ITGA1: variants seen among roughly 807,000 people sequenced by gnomAD.
ITGA1 encodes the protein integrin alpha-1.
Under a neutral mutation model 145.9 loss-of-function variants are expected in ITGA1, and 85 were observed. That is an observed-to-expected ratio of 0.58 (90% CI 0.49 to 0.70). The LOEUF (loss-of-function observed/expected upper bound fraction) is 0.70. Among genes scored for constraint, ITGA1 ranks in the 30% least tolerant of loss-of-function variants. The probability of loss-of-function intolerance (pLI) is 0.00; values close to 1 mark genes in which losing one functional copy is unlikely to be tolerated. For missense variants in ITGA1, 1,351 were observed against 1,418.7 expected, an observed-to-expected ratio of 0.95 and a Z score of 0.77; for synonymous variants, 520 against 495.3, an observed-to-expected ratio of 1.05 and a Z score of -0.66.
chr5:52,861,637 A>G (rs1749606018), intron 3 of ITGA1, 78 bp downstream of exon 3: 1 of 832,562 alleles, frequency 1.2e-6, no homozygotes, highest in African/African-American at 1.7e-5. Flanking sequence ...TTAAGAGGTC[A>G]AGACAGGCAT....
chr5:52,879,076 G>A (rs945731189), intron 6 of ITGA1, among the ~76,000 whole-genome samples: 10 of 151,976 alleles, frequency 6.6e-5, no homozygotes, highest in African/African-American at 2.4e-4. Flanking sequence ...TTTGAAATTG[G>A]GATTGACCTG....
intron 1 of ITGA1, among the ~76,000 whole-genome samples, chr5:52,794,804 T>G (rs563471603): frequency 2.9e-4 from 44 of 152,108 alleles, no homozygotes; most frequent in African/African-American, 1.0e-3. Context: ...GCACATTCTC[T>G]CTAAATAAAC....
chr5:52,844,628 A>G (rs1429044741), intron 1 of ITGA1, among the ~76,000 whole-genome samples: 1 of 152,198 alleles, frequency 6.6e-6, no homozygotes, highest in Non-Finnish European at 1.5e-5. Flanking sequence ...GTTAGTACAC[A>G]ATATAGTTAT....
chr5:52,787,986 T>C lies in ITGA1; in HGVS notation c.-368T>C, dbSNP rs1364378275. ...TCACCCTCTCAATGAAAGGCAGATGTCCCTTTAAGGTTTGCTTCTACAGCC... is the reference window on the plus strand; with the variant it reads ...TCACCCTCTCAATGAAAGGCAGATGCCCCTTTAAGGTTTGCTTCTACAGCC... On this transcript the variant is annotated 5_prime_UTR_variant, in exon 1 of 29. Transcript: ENST00000282588. 4.6e-6 allele frequency: 1 copy of C among 218,114 alleles called. No individual in the cohort carries two copies. Among genetic ancestry groups the C allele is most frequent in the East Asian group, 9.5e-5 (1 of 10,498 alleles). 13.5% of individuals were successfully genotyped at this position (218,114 alleles called of 1,614,324 possible).
chr5:52,887,362 A>T (rs1156426300), intron 7 of ITGA1, among the ~76,000 whole-genome samples: 1 of 152,136 alleles, frequency 6.6e-6, no homozygotes, highest in Non-Finnish European at 1.5e-5. Context: ...GAGCCATTCT[A>T]CAAATGTCAG....
At chr5:52,835,373 A>G (rs890490159) in intron 1 of ITGA1, among the ~76,000 whole-genome samples, 4 of 152,178 alleles carry the variant, frequency 2.6e-5, no homozygotes, top group African/African-American at 9.7e-5. Context: ...AAGTTCTGCA[A>G]AAACAGAGGA....
rs1241855436 is a variant in ITGA1 at position 52,920,381 on chromosome 5, T to G, written c.2205T>G (p.Ser735Arg). Residue 735 changes from serine (S) to arginine (R), a missense_variant, in exon 17 of 29, where the codon AGT (serine) becomes AGG (arginine). Coordinates refer to ENST00000282588, the MANE Select transcript of ITGA1 (RefSeq NM_181501.2). ...TLDSLRQISR[S>R]FFSGTQERKV... ...ATTCACTAAGACAAATATCACGAAG[T>G]TTTTTCTCTGGAACTCAAGAGAGAA... 2 of 1,612,036 alleles carry G rather than the reference T, an allele frequency of 1.2e-6. No homozygotes were observed. The highest frequency in any genetic ancestry group is 1.3e-5 in the African/African-American group (1 of 74,846).
intron 1 of ITGA1, among the ~76,000 whole-genome samples, chr5:52,817,923 G>A (rs1272441148): frequency 6.6e-6 from 1 of 152,192 alleles, no homozygotes; most frequent in Non-Finnish European, 1.5e-5. Flanking sequence ...AAGCTCTGTA[G>A]TGACTACTTG....
chr5:52,913,740 G>A (rs565159988), intron 14 of ITGA1, among the ~76,000 whole-genome samples: 27 of 152,086 alleles, frequency 1.8e-4, no homozygotes, highest in Non-Finnish European at 3.4e-4. Context: ...CTATTTGAGT[G>A]TTCTCTTTGG....
chr5:52,947,107 C>A (rs1363316685), intron 27 of ITGA1, among the ~76,000 whole-genome samples: 1 of 151,994 alleles, frequency 6.6e-6, no homozygotes, highest in Non-Finnish European at 1.5e-5. Flanking sequence ...GACATTTAAC[C>A]CTTTATGTAT....
At chr5:52,865,230 T>C (rs1749668783) in intron 5 of ITGA1, 148 bp downstream of exon 5, 1 of 601,774 alleles carries the variant, frequency 1.7e-6, no homozygotes, top group Non-Finnish European at 2.8e-6. Context: ...TTTGCCAGTA[T>C]ATAACAAAAT....
chr5:52,884,379 G>A (rs1009174457), intron 7 of ITGA1, among the ~76,000 whole-genome samples: 3 of 151,840 alleles, frequency 2.0e-5, no homozygotes, highest in Admixed American at 6.6e-5. Context: ...CCCAGGAGGC[G>A]GAGGTTGCAG....
chr5:52,869,148 T>C (rs551514298), intron 6 of ITGA1, among the ~76,000 whole-genome samples: 1 of 152,240 alleles, frequency 6.6e-6, no homozygotes, highest in African/African-American at 2.4e-5. Context: ...AAGCAACCCA[T>C]ATGATTCTTT....
At chr5:52,895,919 CCATTTCCTGTCAA>C (rs1337459447) in intron 9 of ITGA1, among the ~76,000 whole-genome samples, 1 of 152,128 alleles carries the variant, frequency 6.6e-6, no homozygotes, top group Non-Finnish European at 1.5e-5. Flanking sequence ...CGGGAAATCT[CCATTTCCTGTCAA>C]CATGTATCTT....
intron 1 of ITGA1, among the ~76,000 whole-genome samples, chr5:52,839,867 G>C (rs1363631848): frequency 2.0e-5 from 3 of 150,924 alleles, no homozygotes; most frequent in East Asian, 1.9e-4. Flanking sequence ...ATGAAAGTAA[G>C]TGAAGTAGTA....
rs765442460 is a variant in ITGA1 at position 52,861,530 on chromosome 5, C to T, written c.266C>T (p.Ser89Leu). 8.1e-6 allele frequency: 13 copies of T among 1,612,778 alleles called. No individual in the cohort carries two copies. Among genetic ancestry groups the T allele is most frequent in the Non-Finnish European group, 1.1e-5 (13 of 1,179,076 alleles). Residue 89 changes from serine (S) to leucine (L), a missense_variant, in exon 3 of 29, where the codon TCA (serine) becomes TTA (leucine). Ser to Leu is a moderately radical substitution (Grantham distance 145, BLOSUM62 -2). Transcript: ENST00000282588. ...AAGTGTCCAGTTGGGAGAGGTGAAT[C>T]ATTACCTTGTGTAAAGTTGGATCTA... The part of the protein sequence containing the change: ...VYKCPVGRGE[S>L]LPCVKLDLPV...
At chr5:52,924,669 G>A (rs529472770) in intron 18 of ITGA1, among the ~76,000 whole-genome samples, 1 of 152,170 alleles carries the variant, frequency 6.6e-6, no homozygotes, top group South Asian at 2.1e-4. Context: ...TGGGAGCCCC[G>A]TGGGAAGCTA....
chr5:52,852,802 A>C (rs1236714529), intron 2 of ITGA1, among the ~76,000 whole-genome samples: 1 of 152,226 alleles, frequency 6.6e-6, no homozygotes, highest in South Asian at 2.1e-4. Flanking sequence ...CATAATATGC[A>C]CTCAATCATT....
chr5:52,933,114 CATTT>C (rs1750916146), intron 22 of ITGA1: 1 of 151,906 alleles, frequency 6.6e-6, no homozygotes, highest in African/African-American at 2.4e-5. Flanking sequence ...TTGTCTCAAA[CATTT>C]ATCTTTTTTT....
Sources: allele counts gnomAD v4.1 joint callset (sites outside exome capture counted in the v4.1 genomes callset), GRCh38; gene constraint gnomAD v4.1.1; transcripts MANE v1.5; gene names NCBI Gene and HGNC (gene_info 2026-07-23, HGNC 2026-07-21).